Variants in PAK2 observed in about 807,000 individuals in gnomAD.
PAK2 encodes the protein serine/threonine-protein kinase PAK 2.
In PAK2, 21 loss-of-function variants were observed where a neutral mutation model predicts 65.9. The ratio of observed to expected loss-of-function variants is 0.32; its 90% CI spans 0.23 to 0.46. The LOEUF (loss-of-function observed/expected upper bound fraction) is 0.46, where lower values mean the gene tolerates loss of function less well. PAK2 is among the 20% of genes least tolerant of loss of function. The probability of loss-of-function intolerance (pLI) is 1.00; values close to 1 mark genes in which losing one functional copy is unlikely to be tolerated. For missense variants in PAK2, 324 were observed against 642.6 expected (o/e 0.50, Z 5.36); for synonymous variants, 204 against 219.7 (o/e 0.93, Z 0.63).
chr3:196,811,462 A>G (rs1386706351), intron 8 of PAK2, among the ~76,000 whole-genome samples: 5 of 125,288 alleles, frequency 4.0e-5, no homozygotes, highest in African/African-American at 1.3e-4. Flanking sequence ...GCTCACTGCA[A>G]CCTCTGCCTC....
At chr3:196,785,505 C>T (rs541068486) in intron 2 of PAK2, among the ~76,000 whole-genome samples, 16 of 152,262 alleles carry the variant, frequency 1.1e-4, no homozygotes, top group African/African-American at 3.6e-4. Flanking sequence ...GGGTGAAATA[C>T]TAGCTCATTG....
At position 196,790,822 on chromosome 3, in the gene PAK2, T is replaced by TA. The variant is rs1047656937; in HGVS notation, c.187+7991dup. Among the ~76,000 whole-genome samples the TA allele has an allele frequency of 5.9e-5, 9 of 152,214 alleles. 1 individual carries two copies. The highest frequency in any genetic ancestry group is 2.2e-4 in the African/African-American group (9 of 41,456). ...AGGCTTGAGTCAACACACCTGTGGG[T>TA]AATTCACCTGGTCGCCCCCACCCTG... On this transcript the variant is annotated intron_variant, in intron 2 of 14. Transcript: ENST00000327134.
intron 1 of PAK2, among the ~76,000 whole-genome samples, chr3:196,755,834 C>T (rs1260282583): frequency 2.0e-5 from 3 of 151,888 alleles, no homozygotes; most frequent in Non-Finnish European, 2.9e-5. Flanking sequence ...TGGCTCACTG[C>T]AACCTCCGCC....
intron 2 of PAK2, among the ~76,000 whole-genome samples, chr3:196,790,649 C>A (rs1560105316): frequency 6.6e-6 from 1 of 152,150 alleles, no homozygotes; most frequent in Admixed American, 6.6e-5. Context: ...GGATGAATAA[C>A]TTACACTGAC....
At chr3:196,825,586 C>T (rs898099525) in intron 13 of PAK2, among the ~76,000 whole-genome samples, 4 of 148,184 alleles carry the variant, frequency 2.7e-5, no homozygotes, top group Admixed American at 2.7e-4. Context: ...AAGGTTGCAT[C>T]GAGCTGAGAT....
rs1407194126 is a variant in PAK2, at chr3:196,812,805, G to A, written c.889G>A (p.Val297Met). 2 of 1,580,188 alleles carry A rather than the reference G, an allele frequency of 1.3e-6. No individual in the cohort carries two copies. The highest frequency in any genetic ancestry group is 1.7e-6 in the Non-Finnish European group (2 of 1,149,808). The change falls in exon 10 of 15, where the codon GTG (valine) becomes ATG (methionine). Residue 297 changes from valine to methionine, a missense_variant. This residue lies in a region of PAK2 where 183 missense variants were observed against 246.2 expected (regional missense o/e 0.74). Transcript: ENST00000327134. ...KKELIINEIL[V>M]MKELKNPNIV... Reference sequence around the variant, plus strand: ...GGAACTGATCATTAACGAGATTCTGGTGATGAAAGAATTGAAAAATCCCAA... The same window carrying A: ...GGAACTGATCATTAACGAGATTCTGATGATGAAAGAATTGAAAAATCCCAA...
chr3:196,826,389 C>T (rs66806908), intron 13 of PAK2, among the ~76,000 whole-genome samples: 1 of 151,786 alleles, frequency 6.6e-6, no homozygotes, highest in Admixed American at 6.6e-5. Context: ...AGTCAGGATG[C>T]TCTCAATCTC....
At chr3:196,771,167 T>C (rs1054888089) in intron 1 of PAK2, among the ~76,000 whole-genome samples, 1 of 152,116 alleles carries the variant, frequency 6.6e-6, no homozygotes, top group East Asian at 1.9e-4. Context: ...AAAATAGTTT[T>C]GTTGAGTTTG....
intron 1 of PAK2, among the ~76,000 whole-genome samples, chr3:196,748,983 A>G (rs1219654007): frequency 6.6e-6 from 1 of 152,022 alleles, no homozygotes; most frequent in Non-Finnish European, 1.5e-5. Context: ...GGCTACTCTT[A>G]TGTACCTTAT....
At chr3:196,805,436 A>T in intron 5 of PAK2, 53 bp downstream of exon 5, 1 of 854,504 alleles carries the variant, frequency 1.2e-6, no homozygotes. Context: ...AGGTTACCCA[A>T]GACAAATCTC....
intron 1 of PAK2, among the ~76,000 whole-genome samples, chr3:196,750,893 A>T (rs1208125063): frequency 6.6e-6 from 1 of 152,124 alleles, no homozygotes; most frequent in Non-Finnish European, 1.5e-5. Flanking sequence ...TGTAACATAA[A>T]ATTACCATCT....
intron 1 of PAK2, among the ~76,000 whole-genome samples, chr3:196,771,359 G>A (rs1019082981): frequency 4.6e-5 from 7 of 151,858 alleles, no homozygotes; most frequent in African/African-American, 7.3e-5. Flanking sequence ...ATATCACTAC[G>A]ATGTGTCTAC....
rs1712030215 is a variant in PAK2, at chr3:196,830,285, A to T, written c.*1880A>T. On this transcript the variant is annotated 3_prime_UTR_variant, in exon 15 of 15. Transcript: ENST00000327134. ...GCACTTAATGGTCTCTGTTTTCAAT[A>T]TAATTCTTGATTTCATTTTTCTCTG... The T allele has an allele frequency of 6.6e-6, 1 of 152,238 alleles. No homozygotes were observed. Among genetic ancestry groups the T allele is most frequent in the African/African-American group, 2.4e-5 (1 of 41,462 alleles). The allele number at this position is 152,238 out of a possible 1,614,324, so 9.4% of individuals were successfully genotyped here.
intron 13 of PAK2, among the ~76,000 whole-genome samples, chr3:196,822,657 A>G (rs530141382): frequency 3.9e-5 from 6 of 152,288 alleles, no homozygotes; most frequent in African/African-American, 1.4e-4. Context: ...CTGTTATCAC[A>G]TCACTGCACT....
chr3:196,817,034 G>A (rs74661762), intron 11 of PAK2, among the ~76,000 whole-genome samples: 2,631 of 151,936 alleles, frequency 0.017, 157 homozygotes, highest in Admixed American at 0.12. Context: ...AGCCTTCTGA[G>A]TATCTCATGT....
chr3:196,815,656 A>G (rs113524386), intron 11 of PAK2, among the ~76,000 whole-genome samples: 7,362 of 151,696 alleles, frequency 0.049, 201 homozygotes, highest in Non-Finnish European at 0.061. Flanking sequence ...GTGTGGTGGT[A>G]CGCGCCTGTA....
intron 1 of PAK2, among the ~76,000 whole-genome samples, chr3:196,746,163 T>C (rs1713371823): frequency 6.6e-6 from 1 of 151,992 alleles, no homozygotes; most frequent in Non-Finnish European, 1.5e-5. Context: ...GGCCTGAAGT[T>C]CCAAGACTTG....
chr3:196,815,527 G>T (rs562587096), intron 11 of PAK2, among the ~76,000 whole-genome samples: 4 of 151,116 alleles, frequency 2.6e-5, no homozygotes, highest in Admixed American at 6.6e-5. Flanking sequence ...AGTGTCTCTC[G>T]CCTGTAATAC....
chr3:196,806,068 C>T (rs71323751), intron 5 of PAK2, among the ~76,000 whole-genome samples: 19,694 of 151,772 alleles, frequency 0.13, 1,564 homozygotes, highest in Middle Eastern at 0.29. Context: ...CCTGCCACCA[C>T]GACCAGCTAA....
Sources: gnomAD v4.1 joint callset for allele counts (sites outside exome capture counted in the v4.1 genomes callset) on GRCh38, gnomAD v4.1.1 for gene constraint, gnomAD v4.1.1 regional missense constraint, MANE v1.5 for transcripts, NCBI Gene and HGNC (gene_info 2026-07-23, HGNC 2026-07-21) for gene names.